The following LRP1B variants were observed in gnomAD, a reference collection of about 807,000 sequenced individuals.
LRP1B encodes the protein low-density lipoprotein receptor-related protein 1B.
A neutral mutation model predicts 556.6 loss-of-function variants in LRP1B; 217 were observed. That is an observed-to-expected ratio of 0.39 (90% CI 0.35 to 0.44). The LOEUF (loss-of-function observed/expected upper bound fraction) is 0.44. LRP1B is among the 20% of genes least tolerant of loss of function. The probability of loss-of-function intolerance (pLI) is 1.00; values close to 1 mark genes in which losing one functional copy is unlikely to be tolerated. For synonymous variants in LRP1B, 2,047 were observed against 1,865.8 expected (o/e 1.10, Z -2.50); for missense variants, 5,053 against 5,620.8 (o/e 0.90, Z 3.23).
At chr2:140,885,191 T>C (rs1422392707) in intron 24 of LRP1B, among the ~76,000 whole-genome samples, 1 of 152,176 alleles carries the variant, frequency 6.6e-6, no homozygotes, top group Non-Finnish European at 1.5e-5. Context: ...ACATAGGATA[T>C]AAGTTTACAT....
intron 31 of LRP1B, among the ~76,000 whole-genome samples, chr2:140,817,890 C>G (rs1691182943): frequency 6.6e-6 from 1 of 151,820 alleles, no homozygotes; most frequent in African/African-American, 2.4e-5. Context: ...AATTCTTATC[C>G]CTAGCTGAGA....
intron 2 of LRP1B, among the ~76,000 whole-genome samples, chr2:141,769,531 T>C (rs4954923): frequency 0.19 from 28,554 of 152,076 alleles, 3,149 homozygotes; most frequent in East Asian, 0.39. Context: ...TTTAGGGCAA[T>C]AGGGAACTTG....
chr2:140,589,278 T>C (rs1682119791), intron 43 of LRP1B, among the ~76,000 whole-genome samples: 1 of 152,108 alleles, frequency 6.6e-6, no homozygotes. Flanking sequence ...GGAAAATATT[T>C]ACAAACCACA....
chr2:140,788,591 A>T (rs1426122002), intron 32 of LRP1B, among the ~76,000 whole-genome samples: 1 of 152,182 alleles, frequency 6.6e-6, no homozygotes, highest in Admixed American at 6.5e-5. Flanking sequence ...TTGTATAACA[A>T]CCGACATTAA....
intron 59 of LRP1B, among the ~76,000 whole-genome samples, chr2:140,476,959 C>CA (rs1474630322): frequency 6.6e-6 from 1 of 151,944 alleles, no homozygotes; most frequent in East Asian, 1.9e-4. Context: ...CTAAGCCCCT[C>CA]AAAAAATGAT....
intron 1 of LRP1B, among the ~76,000 whole-genome samples, chr2:141,883,277 A>G (rs1699012352): frequency 6.6e-6 from 1 of 152,192 alleles, no homozygotes; most frequent in African/African-American, 2.4e-5. Context: ...TACACTTTGT[A>G]CTTATAATAG....
intron 18 of LRP1B, among the ~76,000 whole-genome samples, chr2:140,981,376 T>C (rs1396660501): frequency 6.6e-6 from 1 of 152,150 alleles, no homozygotes; most frequent in African/African-American, 2.4e-5. Context: ...ATGCTATACA[T>C]GTCTAAATTA....
intron 63 of LRP1B, among the ~76,000 whole-genome samples, chr2:140,445,235 C>T (rs1686604497): frequency 6.6e-6 from 1 of 152,078 alleles, no homozygotes; most frequent in Admixed American, 6.6e-5. Context: ...ACTGCCTCAG[C>T]CACCCAAGTA....
chr2:141,617,752 A>T (rs1327963174), intron 2 of LRP1B, among the ~76,000 whole-genome samples: 2 of 152,188 alleles, frequency 1.3e-5, no homozygotes, highest in Non-Finnish European at 2.9e-5. Context: ...TACCAAGTTT[A>T]CTTTTTGTCA....
intron 3 of LRP1B, among the ~76,000 whole-genome samples, chr2:141,372,404 A>C (rs1689259267): frequency 6.6e-6 from 1 of 152,110 alleles, no homozygotes; most frequent in African/African-American, 2.4e-5. Flanking sequence ...TCATAAAATG[A>C]GTTAGGGAGA....
At chr2:140,922,757 T>C (rs1694775259) in intron 21 of LRP1B, among the ~76,000 whole-genome samples, 1 of 152,104 alleles carries the variant, frequency 6.6e-6, no homozygotes, top group African/African-American at 2.4e-5. Context: ...TCTCCTTGCC[T>C]CATGAATCCA....
At chr2:140,802,135 A>G (rs1477265091) in intron 32 of LRP1B, among the ~76,000 whole-genome samples, 1 of 152,180 alleles carries the variant, frequency 6.6e-6, no homozygotes, top group Non-Finnish European at 1.5e-5. Flanking sequence ...ATTCAATTTC[A>G]TTCTACTCAA....
intron 3 of LRP1B, among the ~76,000 whole-genome samples, chr2:141,377,248 T>C (rs998159323): frequency 6.6e-6 from 1 of 152,184 alleles, no homozygotes; most frequent in African/African-American, 2.4e-5. Flanking sequence ...CCAAAAAATA[T>C]CTAATTTTCT....
intron 2 of LRP1B, among the ~76,000 whole-genome samples, chr2:141,545,002 T>C (rs1685501483): frequency 6.6e-6 from 1 of 152,156 alleles, no homozygotes; most frequent in Admixed American, 6.5e-5. Context: ...TTAAATTTAT[T>C]ATCTCCCTTA....
intron 2 of LRP1B, among the ~76,000 whole-genome samples, chr2:141,751,762 G>T (rs1694122899): frequency 6.6e-6 from 1 of 150,442 alleles, no homozygotes; most frequent in African/African-American, 2.5e-5. Flanking sequence ...AAGAGAAAAA[G>T]GATTTAAATG....
intron 7 of LRP1B, among the ~76,000 whole-genome samples, chr2:141,111,683 A>G (rs918409660): frequency 6.6e-6 from 1 of 152,148 alleles, no homozygotes; most frequent in Non-Finnish European, 1.5e-5. Flanking sequence ...CTTGGATTCA[A>G]CTGTGAAGGC....
At chr2:140,249,341 C>T (rs1246767410) in intron 86 of LRP1B, among the ~76,000 whole-genome samples, 3 of 151,510 alleles carry the variant, frequency 2.0e-5, no homozygotes, top group Non-Finnish European at 4.4e-5. Flanking sequence ...TAATTCCAAA[C>T]TCTAGAATTA....
chr2:140,284,752 A>C (rs1411180180), intron 84 of LRP1B, among the ~76,000 whole-genome samples: 1 of 150,044 alleles, frequency 6.7e-6, no homozygotes, highest in Non-Finnish European at 1.5e-5. Flanking sequence ...TTACAATGCA[A>C]CCAAAAATAT....
In LRP1B at chr2:141,013,619, A is replaced by T; in HGVS notation, c.2317T>A (p.Leu773Met). Residue 773 changes from leucine (L) to methionine (M), a missense_variant, in exon 14 of 91, where the codon TTG becomes ATG. Leu to Met is a conservative substitution (Grantham distance 15). Transcript: ENST00000389484. ...AGGGGTGGTCTTTCATGCCTCAGCA[A>T]TGTCACCTCACTTGTTATCAAATCT... ...QLDLITSEVTLLRHERPPLFG... is the reference protein window; with the variant it reads ...QLDLITSEVTMLRHERPPLFG... 6.2e-7 allele frequency: 1 copy of T among 1,612,596 alleles called. No individual in the cohort carries two copies. Among genetic ancestry groups the T allele is most frequent in the Non-Finnish European group, 8.5e-7 (1 of 1,179,090 alleles).
Sources: gnomAD v4.1 joint callset for allele counts (sites outside exome capture counted in the v4.1 genomes callset) on GRCh38, gnomAD v4.1.1 for gene constraint, MANE v1.5 for transcripts, NCBI Gene and HGNC (gene_info 2026-07-23, HGNC 2026-07-21) for gene names.